ATP2B2: variants seen among roughly 807,000 people sequenced by gnomAD.
ATP2B2 encodes the protein ATPase plasma membrane Ca2+ transporting 2.
ATP2B2 carries 15 observed loss-of-function variants against 120.0 expected under a neutral mutation model. That is an observed-to-expected ratio of 0.12 (90% CI 0.08 to 0.19). ATP2B2 has a LOEUF of 0.19. ATP2B2 is among the 10% of genes least tolerant of loss of function. ATP2B2 has a pLI of 1.00. For synonymous variants in ATP2B2, 694 were observed against 700.3 expected (o/e 0.99, Z 0.14); for missense variants, 1,045 against 1,719.8 (o/e 0.61, Z 6.94).
chr3:10,444,165 T>G (rs916819306), intron 2 of ATP2B2, among the ~76,000 whole-genome samples: 1 of 152,216 alleles, frequency 6.6e-6, no homozygotes, highest in Non-Finnish European at 1.5e-5. Flanking sequence ...GCTTTCCCAC[T>G]CATCTCTGGC....
chr3:10,459,691 G>A (rs2125229975), intron 1 of ATP2B2, among the ~76,000 whole-genome samples: 1 of 152,340 alleles, frequency 6.6e-6, no homozygotes, highest in East Asian at 1.9e-4. Flanking sequence ...AAGAGGCTTG[G>A]AAGAAGAACA....
intron 2 of ATP2B2, among the ~76,000 whole-genome samples, chr3:10,599,808 G>T (rs1417290684): frequency 8.5e-6 from 1 of 117,196 alleles, no homozygotes; most frequent in Non-Finnish European, 1.7e-5. Flanking sequence ...ATAAGGGGGT[G>T]GGGGGTGGGG....
intron 1 of ATP2B2, among the ~76,000 whole-genome samples, chr3:10,459,812 C>T (rs2064411579): frequency 6.6e-6 from 1 of 152,252 alleles, no homozygotes; most frequent in Non-Finnish European, 1.5e-5. Context: ...TACTCCAGCC[C>T]CGCCATTTAT....
chr3:10,338,350 G>A lies in ATP2B2; in HGVS notation c.3246C>T (p.Ala1082=). 1 of 1,614,148 alleles carries A rather than the reference G, an allele frequency of 6.2e-7. No individual in the cohort carries two copies. Among genetic ancestry groups the A allele is most frequent in the Non-Finnish European group, 8.5e-7 (1 of 1,180,034 alleles). ...LGELVWGQVI[A]TIPTSRLKFL... is the part of the protein sequence containing the mutation. ...ACTTGAGTCTGCTGGTCGGGATGGTGGCGATGACCTGCAAGGGACCCTGTC... is the reference window on the plus strand; with the variant it reads ...ACTTGAGTCTGCTGGTCGGGATGGTAGCGATGACCTGCAAGGGACCCTGTC... Residue 1082 remains alanine, a synonymous_variant, in exon 22 of 23, where the codon GCC becomes GCT. Transcript: ENST00000360273.
intron 11 of ATP2B2, 128 bp from the exon 12 acceptor site, chr3:10,372,179 G>A: frequency 5.9e-6 from 8 of 1,347,960 alleles, no homozygotes; most frequent in Non-Finnish European, 8.3e-6. Context: ...TTTGCTTCCG[G>A]CACTTGTAAA....
intron 2 of ATP2B2, among the ~76,000 whole-genome samples, chr3:10,590,268 G>A (rs972740427): frequency 6.6e-6 from 1 of 152,200 alleles, no homozygotes; most frequent in Non-Finnish European, 1.5e-5. Flanking sequence ...TTTGGAGGAG[G>A]GAAAAGGGTT....
chr3:10,604,707 G>A (rs1006515534), intron 2 of ATP2B2, among the ~76,000 whole-genome samples: 2 of 152,168 alleles, frequency 1.3e-5, no homozygotes, highest in Non-Finnish European at 2.9e-5. Context: ...GGAAGACCAG[G>A]TAACACTAGG....
chr3:10,692,369 G>A (rs751151603), intron 1 of ATP2B2, among the ~76,000 whole-genome samples: 25 of 152,316 alleles, frequency 1.6e-4, no homozygotes, highest in East Asian at 3.9e-4. Flanking sequence ...CTTGCCGGCT[G>A]CAGACAAGTC....
chr3:10,599,866 G>A lies in ATP2B2; in HGVS notation c.-415+20051C>T, dbSNP rs1043025613. On this transcript the variant is annotated intron_variant, in intron 2 of 21. Transcript: ENST00000646379. ...ATAAACAAGATCATTTTTGATGGAG[G>A]AGGAACGTAGTACGTGGGGTGGAAG... Among the ~76,000 whole-genome samples, 63 of 152,100 alleles carry A rather than the reference G, an allele frequency of 4.1e-4. 1 individual carries two copies. The highest frequency in any genetic ancestry group is 4.0e-3 in the Admixed American group (61 of 15,268).
At chr3:10,485,824 G>A (rs1266909872) in intron 1 of ATP2B2, among the ~76,000 whole-genome samples, 1 of 152,190 alleles carries the variant, frequency 6.6e-6, no homozygotes, top group Non-Finnish European at 1.5e-5. Context: ...CTGTCCCTGA[G>A]TAAAGACTGT....
intron 2 of ATP2B2, among the ~76,000 whole-genome samples, chr3:10,581,862 C>T (rs1029761092): frequency 6.6e-6 from 1 of 152,160 alleles, no homozygotes; most frequent in East Asian, 1.9e-4. Context: ...CAAAGCAGAT[C>T]GAACAGTGCC....
Position 10,520,314 on chromosome 3 carries a change from G to C in ATP2B2, c.-320+13725C>G, listed in dbSNP as rs191233710. Among the ~76,000 whole-genome samples, 335 of 152,338 alleles carry C rather than the reference G, an allele frequency of 2.2e-3. 4 individuals carry two copies. The highest frequency in any genetic ancestry group is 0.019 in the Admixed American group (298 of 15,298). On this transcript the variant is annotated intron_variant, in intron 3 of 21. Coordinates refer to the ATP2B2 transcript ENST00000646379. ...AGTGCTGGAGCAAGCAGCAGGGGAG[G>C]GGGGTGCCGGTTTTAAGATCAGACT...
At chr3:10,419,633 A>C (rs934150939) in intron 2 of ATP2B2, among the ~76,000 whole-genome samples, 1 of 152,200 alleles carries the variant, frequency 6.6e-6, no homozygotes, top group Non-Finnish European at 1.5e-5. Context: ...GTCTCACTTG[A>C]GGATCACACA....
intron 5 of ATP2B2, among the ~76,000 whole-genome samples, chr3:10,399,690 T>C (rs1270153818): frequency 6.6e-6 from 1 of 152,204 alleles, no homozygotes; most frequent in Non-Finnish European, 1.5e-5. Flanking sequence ...TTCTCACTCC[T>C]ACCATCCTGT....
In ATP2B2 at chr3:10,611,847, C is replaced by T. The variant is rs116559850; in HGVS notation, c.-415+8070G>A. 2.9e-3 allele frequency among the ~76,000 whole-genome samples: 441 copies of T among 152,294 alleles called. 2 individuals carry two copies. Among genetic ancestry groups the T allele is most frequent in the African/African-American group, 1.0e-2 (415 of 41,560 alleles). ...TCTCACCTGTAAAATGGAGACACCA[C>T]CAGTGTCATAAGTGTTAGATAGGAG... is the stretch of plus-strand genomic sequence containing the variant. On this transcript the variant is annotated intron_variant, in intron 2 of 21. Coordinates refer to the ATP2B2 transcript ENST00000646379.
intron 2 of ATP2B2, among the ~76,000 whole-genome samples, chr3:10,571,115 T>C (rs2125544482): frequency 6.6e-6 from 1 of 152,294 alleles, no homozygotes; most frequent in South Asian, 2.1e-4. Flanking sequence ...AGGTGGAAGT[T>C]TGGGGAGGAA....
chr3:10,687,860 C>CA (rs1190945373), intron 1 of ATP2B2, among the ~76,000 whole-genome samples: 4 of 151,722 alleles, frequency 2.6e-5, no homozygotes, highest in African/African-American at 9.7e-5. Context: ...GACTCTGACT[C>CA]AAAAAAATAA....
In ATP2B2 at chr3:10,386,488, T is replaced by C; in HGVS notation, c.932A>G (p.Gln311Arg). Residue 311 changes from glutamine (Q) to arginine (R), a missense_variant, in exon 7 of 23, where the codon CAG (glutamine) becomes CGG (arginine). Physicochemically the swap from Gln to Arg is conservative, Grantham distance 43. This residue lies in a region of ATP2B2 where 145 missense variants were observed against 202.0 expected (regional missense o/e 0.72). Coordinates refer to ENST00000360273, the MANE Select transcript of ATP2B2 (RefSeq NM_001001331.4). ...KKGVKKGDGL[Q>R]LPAADGAAAS... ...AGGGTGTCTTACTGTACCTGGTAGC[T>C]GAAGGCCATCCCCCTTCTTCACACC... 2 of 1,614,174 alleles carry C rather than the reference T, an allele frequency of 1.2e-6. No homozygotes were observed. The highest frequency in any genetic ancestry group is 1.7e-6 in the Non-Finnish European group (2 of 1,179,990).
chr3:10,456,293 T>C lies in ATP2B2; in HGVS notation c.-319-6431A>G, dbSNP rs1013564574. Among the ~76,000 whole-genome samples the C allele has an allele frequency of 1.8e-4, 28 of 152,244 alleles. 1 individual carries two copies. Among genetic ancestry groups the C allele is most frequent in the Admixed American group, 6.5e-5 (1 of 15,290 alleles). ...CAAATTCTTCTGTTTTAAGACATGC[T>C]GAATTTAAGTGCCACCTTAATATGT... On this transcript the variant is annotated intron_variant, in intron 1 of 22. Coordinates refer to ENST00000360273, the MANE Select transcript of ATP2B2 (RefSeq NM_001001331.4).
Sources: allele counts gnomAD v4.1 joint callset (sites outside exome capture counted in the v4.1 genomes callset), GRCh38; gene constraint gnomAD v4.1.1; regional missense constraint gnomAD v4.1.1; transcripts MANE v1.5; gene names NCBI Gene and HGNC (gene_info 2026-07-23, HGNC 2026-07-21).